Variants in SORCS2 observed in about 807,000 individuals in gnomAD.
SORCS2 encodes the protein VPS10 domain-containing receptor SorCS2.
Under a neutral mutation model 141.6 loss-of-function variants are expected in SORCS2, and 100 were observed. The observed-to-expected ratio is 0.71, with a 90% CI of 0.60 to 0.83. SORCS2 has a LOEUF of 0.83. Among genes scored for constraint, SORCS2 ranks in the 40% least tolerant of loss-of-function variants. The pLI, the probability that SORCS2 is intolerant of heterozygous loss-of-function variation, is 0.00. For synonymous variants in SORCS2, 789 were observed against 676.9 expected (o/e 1.17, Z -2.57); for missense variants, 1,646 against 1,560.2 (o/e 1.05, Z -0.93).
At chr4:7,673,398 G>A (rs528864910) in intron 8 of SORCS2, among the ~76,000 whole-genome samples, 3 of 152,320 alleles carry the variant, frequency 2.0e-5, no homozygotes, top group Non-Finnish European at 2.9e-5. Flanking sequence ...TGTTGAGAAC[G>A]CTGACGGTTT....
intron 14 of SORCS2, among the ~76,000 whole-genome samples, chr4:7,704,834 A>G (rs1434007708): frequency 6.6e-6 from 1 of 152,172 alleles, no homozygotes; most frequent in Non-Finnish European, 1.5e-5. Flanking sequence ...CCCAGAAACC[A>G]GTGAAGTGAA....
chr4:7,484,527 A>C (rs775217035), intron 2 of SORCS2, among the ~76,000 whole-genome samples: 7 of 152,168 alleles, frequency 4.6e-5, no homozygotes, highest in Non-Finnish European at 8.8e-5. Flanking sequence ...GGCCGGGCTT[A>C]TAAGGATAGA....
At chr4:7,488,766 A>G (rs1454743866) in intron 2 of SORCS2, among the ~76,000 whole-genome samples, 2 of 152,194 alleles carry the variant, frequency 1.3e-5, no homozygotes, top group Non-Finnish European at 2.9e-5. Flanking sequence ...AGTCAAATAC[A>G]TCCTGACTGC....
At chr4:7,440,112 T>C (rs1180809277) in intron 2 of SORCS2, among the ~76,000 whole-genome samples, 1 of 152,232 alleles carries the variant, frequency 6.6e-6, no homozygotes, top group Non-Finnish European at 1.5e-5. Context: ...TATTTTTTTA[T>C]TGTAAACCCC....
At chr4:7,471,218 C>T (rs773819699) in intron 2 of SORCS2, among the ~76,000 whole-genome samples, 6 of 152,224 alleles carry the variant, frequency 3.9e-5, no homozygotes, top group Non-Finnish European at 7.3e-5. Flanking sequence ...CCGCCGGCCC[C>T]GCTTCCCCGC....
At chr4:7,296,972 A>G (rs1372762912) in intron 1 of SORCS2, among the ~76,000 whole-genome samples, 1 of 152,062 alleles carries the variant, frequency 6.6e-6, no homozygotes. Context: ...CCCCCTCCCC[A>G]GACACCAGCA....
At chr4:7,456,945 G>A (rs1047830483) in intron 2 of SORCS2, among the ~76,000 whole-genome samples, 5 of 150,742 alleles carry the variant, frequency 3.3e-5, no homozygotes, top group Admixed American at 1.3e-4. Context: ...TTGGGTGCAC[G>A]CAGCCACCTC....
At chr4:7,724,890 T>A in intron 19 of SORCS2, among the ~76,000 whole-genome samples, 3 of 62,154 alleles carry the variant, frequency 4.8e-5, no homozygotes, top group African/African-American at 1.6e-4. Context: ...GTGGTGGTGT[T>A]GGTGATGGTG....
In SORCS2 at chr4:7,739,886, C is replaced by T. The variant is rs544486962; in HGVS notation, c.3416-314C>T. ...GAGGGGGCGGAGCCTCAGCCCCTCT[C>T]GCACCCCCTTGCTGCCGATGCCGGG... On this transcript the variant is annotated intron_variant, in intron 26 of 26. Coordinates refer to ENST00000507866, the MANE Select transcript of SORCS2 (RefSeq NM_020777.3). 3.9e-4 allele frequency among the ~76,000 whole-genome samples: 59 copies of T among 152,342 alleles called. No homozygotes were observed. The East Asian group carries it at 4.4e-3, about 11-fold the overall frequency.
At chr4:7,516,934 T>G (rs542208059) in intron 2 of SORCS2, among the ~76,000 whole-genome samples, 1 of 152,294 alleles carries the variant, frequency 6.6e-6, no homozygotes, top group South Asian at 2.1e-4. Context: ...GCTGCAGTGT[T>G]CAAGCTCAGC....
chr4:7,357,812 C>T lies in SORCS2; in HGVS notation c.481-38476C>T, dbSNP rs370823489. 9.9e-5 allele frequency among the ~76,000 whole-genome samples: 15 copies of T among 152,258 alleles called. No individual in the cohort carries two copies. In the East Asian group the frequency reaches 2.5e-3, roughly 25 times the overall value. ...CATTTCAATCCCTGAGGGCCTCGGG[C>T]CTTCTCCCCATCCTGCCTTGTGTTT... On this transcript the variant is annotated intron_variant, in intron 1 of 26. Transcript: ENST00000507866.
chr4:7,523,824 C>T (rs573041834), intron 2 of SORCS2, among the ~76,000 whole-genome samples: 2 of 152,268 alleles, frequency 1.3e-5, no homozygotes, highest in Admixed American at 6.5e-5. Flanking sequence ...ACTGCTCCAC[C>T]GTGTTCCTCG....
chr4:7,415,926 G>T (rs1465101916), intron 2 of SORCS2, among the ~76,000 whole-genome samples: 1 of 152,250 alleles, frequency 6.6e-6, no homozygotes, highest in Non-Finnish European at 1.5e-5. Flanking sequence ...CAGAGGAGAT[G>T]ATGTCTGAAC....
chr4:7,420,412 G>A (rs1253991370), intron 2 of SORCS2, among the ~76,000 whole-genome samples: 1 of 152,212 alleles, frequency 6.6e-6, no homozygotes, highest in South Asian at 2.1e-4. Flanking sequence ...TATCCTGGCT[G>A]GGCACAGGTC....
At chr4:7,334,814 G>A (rs147522923) in intron 1 of SORCS2, among the ~76,000 whole-genome samples, 4 of 152,130 alleles carry the variant, frequency 2.6e-5, no homozygotes, top group Non-Finnish European at 5.9e-5. Flanking sequence ...AAGAGGTGAC[G>A]TGTGAGCAGG....
intron 3 of SORCS2, among the ~76,000 whole-genome samples, chr4:7,600,656 T>TATATAC (rs1304491103): frequency 9.2e-5 from 13 of 140,986 alleles, no homozygotes; most frequent in African/African-American, 3.5e-4. Context: ...CATATATATA[T>TATATAC]ACACACACAC....
At chr4:7,517,588 A>T (rs770285939) in intron 2 of SORCS2, among the ~76,000 whole-genome samples, 29 of 152,168 alleles carry the variant, frequency 1.9e-4, no homozygotes, top group Non-Finnish European at 4.0e-4. Flanking sequence ...GGCATACGAA[A>T]ATGTTATCAT....
intron 1 of SORCS2, among the ~76,000 whole-genome samples, chr4:7,281,659 G>C (rs1300712764): frequency 1.3e-5 from 2 of 152,226 alleles, no homozygotes; most frequent in Admixed American, 1.3e-4. Flanking sequence ...GGCCGTTTGT[G>C]TGGGCAGTGA....
In SORCS2 at chr4:7,192,819, T is replaced by G; in HGVS notation, c.173T>G (p.Leu58Arg). Reference sequence around the variant, plus strand: ...GGGCGCTCCCCTGAGCCCGGGCGCCTGGGTCCTCACGCCCAACTGACCCGG... The same window carrying G: ...GGGCGCTCCCCTGAGCCCGGGCGCCGGGGTCCTCACGCCCAACTGACCCGG... ...AAGRSPEPGR[L>R]GPHAQLTRVP... The change falls in exon 1 of 27, where the codon CTG (leucine) becomes CGG (arginine). Residue 58 changes from leucine to arginine, a missense_variant. Leu to Arg is a moderately radical substitution (Grantham distance 102). Transcript: ENST00000507866. The surrounding 1 kb of genome is among the most constrained non-coding windows in gnomAD (Gnocchi z 4.0). 9.7e-7 allele frequency: 1 copy of G among 1,030,602 alleles called. No individual in the cohort carries two copies. Among genetic ancestry groups the G allele is most frequent in the African/African-American group, 1.7e-5 (1 of 57,796 alleles). The allele number at this position is 1,030,602 out of a possible 1,614,324, so 63.8% of individuals were successfully genotyped here.
Sources: allele counts gnomAD v4.1 joint callset (sites outside exome capture counted in the v4.1 genomes callset), GRCh38; gene constraint gnomAD v4.1.1; non-coding constraint Gnocchi (gnomAD v3.1); transcripts MANE v1.5; gene names NCBI Gene and HGNC (gene_info 2026-07-23, HGNC 2026-07-21).